SLC25A16: variants seen among roughly 807,000 people sequenced by gnomAD.
The protein encoded by SLC25A16 is mitochondrial coenzyme A transporter SLC25A16.
SLC25A16 carries 39 observed loss-of-function variants against 41.5 expected under a neutral mutation model. The ratio of observed to expected loss-of-function variants is 0.94; its 90% CI spans 0.73 to 1.23. The LOEUF is 1.23. SLC25A16 is among the 50% of genes most tolerant of loss of function. The pLI, the probability that SLC25A16 is intolerant of heterozygous loss-of-function variation, is 0.00. For synonymous variants in SLC25A16, 146 were observed against 147.8 expected (o/e 0.99, Z 0.09); for missense variants, 421 against 426.9 (o/e 0.99, Z 0.12).
intron 2 of SLC25A16, among the ~76,000 whole-genome samples, chr10:68,516,097 T>C (rs1165729657): frequency 6.6e-6 from 1 of 152,160 alleles, no homozygotes; most frequent in Non-Finnish European, 1.5e-5. Flanking sequence ...GCTCGTTTCC[T>C]GGTGCCGTAA....
At position 68,527,507 on chromosome 10, in the gene SLC25A16, G is replaced by T; in HGVS notation, c.-132C>A. On this transcript the variant is annotated 5_prime_UTR_variant, in exon 1 of 9. Coordinates refer to ENST00000609923, the MANE Select transcript of SLC25A16 (RefSeq NM_152707.4). ...GCAAAGTAACACCCGGCGGCGCGGC[G>T]CCGGCTGATGGCGTACAGCAAGGGC... 1.2e-6 allele frequency: 1 copy of T among 832,652 alleles called. No homozygotes were observed. Among genetic ancestry groups the T allele is most frequent in the Non-Finnish European group, 1.7e-6 (1 of 572,242 alleles). 51.6% of individuals were successfully genotyped at this position (832,652 alleles called of 1,614,324 possible). A position where few individuals can be genotyped will look rare whatever the true frequency, so the allele number is the denominator to read the frequency against.
intron 6 of SLC25A16, among the ~76,000 whole-genome samples, chr10:68,491,072 T>C (rs2052649625): frequency 6.6e-6 from 1 of 151,864 alleles, no homozygotes; most frequent in Non-Finnish European, 1.5e-5. Flanking sequence ...AGAGACAAAT[T>C]CTCCCCATGC....
intron 2 of SLC25A16, among the ~76,000 whole-genome samples, chr10:68,509,735 A>C (rs9414976): frequency 5.2e-4 from 75 of 143,178 alleles, no homozygotes; most frequent in East Asian, 2.6e-3. Flanking sequence ...ATCTATCTAT[A>C]TATATATCTA....
At chr10:68,510,616 G>A (rs1357384394) in intron 2 of SLC25A16, among the ~76,000 whole-genome samples, 5 of 151,592 alleles carry the variant, frequency 3.3e-5, no homozygotes, top group South Asian at 2.1e-4. Flanking sequence ...CGAAGCAGGC[G>A]GATCACCAGG....
intron 3 of SLC25A16, among the ~76,000 whole-genome samples, chr10:68,504,800 C>T (rs2052924632): frequency 6.6e-6 from 1 of 152,176 alleles, no homozygotes; most frequent in Non-Finnish European, 1.5e-5. Context: ...CCTGCCTCAG[C>T]CTCCTGAGTA....
intron 6 of SLC25A16, among the ~76,000 whole-genome samples, chr10:68,489,068 G>A (rs867243872): frequency 6.6e-6 from 1 of 152,130 alleles, no homozygotes; most frequent in African/African-American, 2.4e-5. Context: ...TCAGGCGTTC[G>A]AGATCAGCCT....
At chr10:68,523,825 T>C (rs1195099961) in intron 1 of SLC25A16, among the ~76,000 whole-genome samples, 4 of 152,054 alleles carry the variant, frequency 2.6e-5, no homozygotes, top group Non-Finnish European at 4.4e-5. Context: ...GAGGCCTGGA[T>C]TGGTGGCTTA....
At chr10:68,523,556 T>C (rs557572755) in intron 1 of SLC25A16, among the ~76,000 whole-genome samples, 71 of 152,188 alleles carry the variant, frequency 4.7e-4, no homozygotes, top group Non-Finnish European at 8.4e-4. Context: ...CACAACAACC[T>C]CCACCACCCA....
chr10:68,494,668 G>A (rs2052720266), intron 4 of SLC25A16, among the ~76,000 whole-genome samples: 1 of 144,618 alleles, frequency 6.9e-6, no homozygotes. Context: ...CCTGAGGTCA[G>A]GAGTTCGAGA....
chr10:68,506,516 A>G, intron 3 of SLC25A16, 69 bp downstream of exon 3: 2 of 1,081,544 alleles, frequency 1.8e-6, no homozygotes, highest in Non-Finnish European at 1.3e-6. Context: ...TAAATGTCCA[A>G]AGCAAATGCC....
chr10:68,498,322 TC>T, intron 4 of SLC25A16, among the ~76,000 whole-genome samples: 1 of 149,522 alleles, frequency 6.7e-6, no homozygotes, highest in Non-Finnish European at 1.5e-5. Context: ...TTTAACTTTT[TC>T]TTTTTTTTTT....
At position 68,527,326 on chromosome 10, in the gene SLC25A16, G is replaced by A; in HGVS notation, c.50C>T (p.Pro17Leu). 1.3e-6 allele frequency: 2 copies of A among 1,539,338 alleles called. No homozygotes were observed. The highest frequency in any genetic ancestry group is 4.1e-5 in the Admixed American group (2 of 48,830). Residue 17 changes from proline (P) to leucine (L), a missense_variant, in exon 1 of 9, where the codon CCC becomes CTC. Physicochemically the swap from Pro to Leu is moderately conservative, Grantham distance 98. Transcript: ENST00000609923. ...AAALAAADPP[P>L]AMPQAAGAGG... ...GGCCCCTGCCGCCTGCGGCATTGCG[G>A]GAGGGGGATCGGCCGCCGCCAGGGC...
rs1439625510 is a variant in SLC25A16 at position 68,486,228 on chromosome 10, AAAC to A, written c.842+913_842+915del. ...AGTGAGACTTTGTCTCAAAAAAACAAAACAAAAAAAAAAAAAAAACACAACCTC... is the reference window on the plus strand; with the variant it reads ...AGTGAGACTTTGTCTCAAAAAAACAAAAAAAAAAAAAAAAAACACAACCTC... On this transcript the variant is annotated intron_variant, in intron 8 of 8. Coordinates refer to ENST00000609923, the MANE Select transcript of SLC25A16 (RefSeq NM_152707.4). 1.9e-4 allele frequency among the ~76,000 whole-genome samples: 27 copies of A among 142,410 alleles called. 1 individual carries two copies. The highest frequency in any genetic ancestry group is 6.7e-4 in the African/African-American group (25 of 37,214). The allele number at this position is 142,410 out of a possible 152,430, so 93.4% of individuals were successfully genotyped here. A position where few individuals can be genotyped will look rare whatever the true frequency, so the allele number is the denominator to read the frequency against.
chr10:68,504,613 G>C (rs192656699), intron 3 of SLC25A16, among the ~76,000 whole-genome samples: 2 of 151,068 alleles, frequency 1.3e-5, no homozygotes, highest in South Asian at 2.1e-4. Flanking sequence ...TCCTGAACTT[G>C]TGATCCGCCC....
chr10:68,513,647 A>T (rs567475008), intron 2 of SLC25A16, among the ~76,000 whole-genome samples: 1 of 152,026 alleles, frequency 6.6e-6, no homozygotes, highest in South Asian at 2.1e-4. Flanking sequence ...CCCAGTACTT[A>T]GGAAGGACAA....
chr10:68,485,951 C>A (rs1300555142), intron 8 of SLC25A16, among the ~76,000 whole-genome samples: 1 of 151,448 alleles, frequency 6.6e-6, no homozygotes, highest in Non-Finnish European at 1.5e-5. Flanking sequence ...GTGCCTGCCA[C>A]CACACCCGGC....
At chr10:68,495,523 C>T (rs1270502261) in intron 4 of SLC25A16, among the ~76,000 whole-genome samples, 2 of 152,082 alleles carry the variant, frequency 1.3e-5, no homozygotes, top group African/African-American at 2.4e-5. Flanking sequence ...GTGGCTCACG[C>T]CTGTAATCCC....
chr10:68,510,152 ACTTTTTATAAAAAG>A, intron 2 of SLC25A16, among the ~76,000 whole-genome samples: 2 of 152,284 alleles, frequency 1.3e-5, no homozygotes, highest in East Asian at 3.9e-4. Flanking sequence ...GTAATGTGAC[ACTTTTTATAAAAAG>A]TCGGAGTAGA....
At chr10:68,489,436 T>C (rs1218864646) in intron 6 of SLC25A16, among the ~76,000 whole-genome samples, 1 of 152,150 alleles carries the variant, frequency 6.6e-6, no homozygotes, top group African/African-American at 2.4e-5. Flanking sequence ...ACAAAACACG[T>C]AGAATCTGAT....
Sources: allele counts gnomAD v4.1 joint callset (sites outside exome capture counted in the v4.1 genomes callset), GRCh38; gene constraint gnomAD v4.1.1; transcripts MANE v1.5; gene names NCBI Gene and HGNC (gene_info 2026-07-23, HGNC 2026-07-21).